The following CALN1 variants were observed in gnomAD, a reference collection of about 807,000 sequenced individuals.
The protein encoded by CALN1 is calcium-binding protein 8.
In CALN1, 17 loss-of-function variants were observed where a neutral mutation model predicts 30.6. The observed-to-expected ratio is 0.56, with a 90% CI of 0.38 to 0.83. The LOEUF (loss-of-function observed/expected upper bound fraction) is 0.83. Ranked by LOEUF, CALN1 falls within the 40% of genes least tolerant of loss-of-function variation. The pLI is 0.00. For missense variants in CALN1, 291 were observed against 354.9 expected (o/e 0.82, Z 1.45); for synonymous variants, 156 against 131.4 (o/e 1.19, Z -1.28).
rs1162529540 is a variant in CALN1 at position 71,909,104 on chromosome 7, C to A, written c.502-98612G>T. Among the ~76,000 whole-genome samples, 4 of 152,234 alleles carry A rather than the reference C, an allele frequency of 2.6e-5. No homozygotes were observed. In the East Asian group the frequency reaches 7.7e-4, roughly 29 times the overall value. Reference sequence around the variant, plus strand: ...CAGTCATAGCTGACTGCAGCCTCAACCTCCTAGGCTCAAGCGATCTTCCCA... The same window carrying A: ...CAGTCATAGCTGACTGCAGCCTCAAACTCCTAGGCTCAAGCGATCTTCCCA... On this transcript the variant is annotated intron_variant, in intron 5 of 6. Transcript: ENST00000395275.
At chr7:72,010,814 AAAAGAAAAG>A (rs1800030179) in intron 5 of CALN1, among the ~76,000 whole-genome samples, 2 of 149,846 alleles carry the variant, frequency 1.3e-5, no homozygotes, top group Admixed American at 6.6e-5. Flanking sequence ...TCAAAAAAAA[AAAAGAAAAG>A]AAAAGAAAAG....
chr7:72,324,968 A>C (rs889316638), intron 2 of CALN1, among the ~76,000 whole-genome samples: 14 of 152,144 alleles, frequency 9.2e-5, no homozygotes, highest in Non-Finnish European at 1.9e-4. Context: ...AGATGCATTT[A>C]TCTCTTTGGG....
chr7:72,406,020 G>A (rs149802294), intron 1 of CALN1, among the ~76,000 whole-genome samples: 3 of 152,324 alleles, frequency 2.0e-5, no homozygotes, highest in East Asian at 1.9e-4. Context: ...CGGCACTGAA[G>A]GTGGCAGCTC....
intron 5 of CALN1, among the ~76,000 whole-genome samples, chr7:71,979,467 C>T (rs190644270): frequency 4.7e-4 from 71 of 152,226 alleles, no homozygotes; most frequent in Non-Finnish European, 8.4e-4. Flanking sequence ...CCCTCACATG[C>T]GCAGTTCACA....
intron 3 of CALN1, among the ~76,000 whole-genome samples, chr7:72,243,004 A>G (rs564751067): frequency 8.3e-4 from 126 of 152,366 alleles, no homozygotes; most frequent in Non-Finnish European, 1.7e-3. Flanking sequence ...AGATATTCCC[A>G]AAACCCAATT....
At chr7:72,428,918 A>C (rs1261759867) in intron 1 of CALN1, among the ~76,000 whole-genome samples, 1 of 152,186 alleles carries the variant, frequency 6.6e-6, no homozygotes, top group Non-Finnish European at 1.5e-5. Context: ...GGCTCTATCA[A>C]ACCTCTGGTT....
chr7:71,847,537 C>G (rs1278311651), intron 5 of CALN1, among the ~76,000 whole-genome samples: 1 of 151,586 alleles, frequency 6.6e-6, no homozygotes, highest in Non-Finnish European at 1.5e-5. Flanking sequence ...AAAAAATTAT[C>G]CAGATGTGGT....
chr7:72,427,213 C>T (rs1350062229), intron 1 of CALN1, among the ~76,000 whole-genome samples: 1 of 152,154 alleles, frequency 6.6e-6, no homozygotes, highest in Non-Finnish European at 1.5e-5. Flanking sequence ...TGACCTCAAG[C>T]CACCCTCCCA....
intron 3 of CALN1, among the ~76,000 whole-genome samples, chr7:72,147,969 G>A (rs1786893680): frequency 2.0e-5 from 3 of 150,404 alleles, no homozygotes; most frequent in African/African-American, 7.4e-5. Flanking sequence ...GGGAGGGATA[G>A]CATTAGGAGA....
intron 3 of CALN1, among the ~76,000 whole-genome samples, chr7:72,152,436 T>C (rs1787324893): frequency 6.6e-6 from 1 of 152,178 alleles, no homozygotes; most frequent in Admixed American, 6.5e-5. Context: ...GGAGTTTGCA[T>C]GGTGCGAGAG....
chr7:72,091,156 C>G (rs1805832179), intron 4 of CALN1, among the ~76,000 whole-genome samples: 1 of 152,062 alleles, frequency 6.6e-6, no homozygotes, highest in Non-Finnish European at 1.5e-5. Context: ...TGGTGAGACT[C>G]CCTTTCTACT....
intron 2 of CALN1, among the ~76,000 whole-genome samples, chr7:72,395,333 TAC>T (rs943990523): frequency 1.1e-4 from 15 of 142,392 alleles, no homozygotes; most frequent in African/African-American, 2.7e-4. Flanking sequence ...AGCAAACACA[TAC>T]ACACACACGC....
At chr7:72,116,668 C>A (rs996767010) in intron 3 of CALN1, among the ~76,000 whole-genome samples, 1 of 152,194 alleles carries the variant, frequency 6.6e-6, no homozygotes. Context: ...CTAGTCACTG[C>A]ATCTGTGCTG....
intron 3 of CALN1, among the ~76,000 whole-genome samples, chr7:72,275,047 G>C (rs1027725342): frequency 6.6e-6 from 1 of 152,042 alleles, no homozygotes; most frequent in East Asian, 1.9e-4. Flanking sequence ...TGGAGGAAAG[G>C]GATTTTCCAT....
At chr7:72,276,055 G>T (rs1391771575) in intron 3 of CALN1, among the ~76,000 whole-genome samples, 1 of 152,194 alleles carries the variant, frequency 6.6e-6, no homozygotes, top group Admixed American at 6.5e-5. Flanking sequence ...GAAGGGGGGA[G>T]AATATGGAAA....
intron 4 of CALN1, among the ~76,000 whole-genome samples, chr7:72,085,352 A>G (rs1205730555): frequency 3.3e-5 from 5 of 152,188 alleles, no homozygotes; most frequent in Admixed American, 2.6e-4. Flanking sequence ...GTACAGTATA[A>G]TAAGATATGT....
Position 71,893,435 on chromosome 7 carries a change from C to T in CALN1, c.502-82943G>A, listed in dbSNP as rs530821997. Among the ~76,000 whole-genome samples the T allele has an allele frequency of 2.6e-5, 4 of 152,130 alleles. No homozygotes were observed. The South Asian group carries it at 6.2e-4, about 24-fold the overall frequency. ...GGCGTGGTGGCTCATGCCTGTAATC[C>T]CAGCACTTTGGGGGGCCGAGGCAAG... On this transcript the variant is annotated intron_variant, in intron 5 of 6. Coordinates refer to ENST00000395275, the MANE Select transcript of CALN1 (RefSeq NM_031468.4).
At chr7:72,182,781 C>A (rs375040229) in intron 3 of CALN1, among the ~76,000 whole-genome samples, 4,221 of 120,210 alleles carry the variant, frequency 0.035, 66 homozygotes, top group Middle Eastern at 0.071. Flanking sequence ...AAAAAAAAAA[C>A]AAACAAAAAT....
chr7:71,793,316 CA>C (rs1005946042), intron 6 of CALN1, among the ~76,000 whole-genome samples: 4 of 149,964 alleles, frequency 2.7e-5, no homozygotes, highest in African/African-American at 9.8e-5. Flanking sequence ...CAAAACAAAA[CA>C]AAAAAAAAGC....
Sources: allele counts gnomAD v4.1 joint callset (sites outside exome capture counted in the v4.1 genomes callset), GRCh38; gene constraint gnomAD v4.1.1; transcripts MANE v1.5; gene names NCBI Gene and HGNC (gene_info 2026-07-23, HGNC 2026-07-21).